BRWD1: variants seen among roughly 807,000 people sequenced by gnomAD.
BRWD1 encodes the protein bromodomain and WD repeat domain containing 1, also known as bromodomain and WD repeat-containing protein 1.
In BRWD1, 82 loss-of-function variants were observed where a neutral mutation model predicts 251.2. That is an observed-to-expected ratio of 0.33 (90% confidence interval 0.27 to 0.39). The LOEUF is 0.39. Ranked by LOEUF, BRWD1 falls within the 10% of genes least tolerant of loss-of-function variation. The pLI is 1.00. For missense variants in BRWD1, 2,233 were observed against 2,711.6 expected, an observed-to-expected ratio of 0.82 and a Z score of 3.92; for synonymous variants, 918 against 902.8, an observed-to-expected ratio of 1.02 and a Z score of -0.30.
rs771045684 is a variant in BRWD1, at chr21:39,194,759, CA to C, written c.*1499del. On this transcript the variant is annotated 3_prime_UTR_variant, in exon 41 of 41. Transcript: ENST00000342449. ...CAGGAGAAAAGGTTTTGTCTGAAAC[CA>C]AACACAATTAGGGCTAATAAATAAC... 9.1e-6 allele frequency: 14 copies of C among 1,534,956 alleles called. No homozygotes were observed. The highest frequency in any genetic ancestry group is 1.2e-5 in the Non-Finnish European group (14 of 1,145,888).
At position 39,199,193 on chromosome 21, in the gene BRWD1, A is replaced by G. The variant is rs143408393; in HGVS notation, c.5223T>C (p.His1741=). The G allele has an allele frequency of 6.2e-7, 1 of 1,614,194 alleles. No homozygotes were observed. The highest frequency in any genetic ancestry group is 8.5e-7 in the Non-Finnish European group (1 of 1,180,040). Residue 1741 remains histidine, a synonymous_variant, in exon 40 of 41, where the codon CAT becomes CAC. Transcript: ENST00000342449. ...ATTTTGTCTTTGAAGGTGCTGGAGTATGGGACTTGTAACCATTAGCATGCC... is the reference window on the plus strand; with the variant it reads ...ATTTTGTCTTTGAAGGTGCTGGAGTGTGGGACTTGTAACCATTAGCATGCC... ...KNWHANGYKS[H]TPAPSKTKFL... is the part of the protein sequence containing the mutation.
intron 10 of BRWD1, 81 bp from the exon 11 acceptor site, chr21:39,277,432 AAAAG>A (rs1395346904): frequency 1.2e-5 from 11 of 892,986 alleles, no homozygotes; most frequent in Non-Finnish European, 1.6e-5. Context: ...TAAAATATAA[AAAAG>A]AAAGATCATT....
Position 39,192,019 on chromosome 21 carries a change from T to G in BRWD1, c.*4240A>C. On this transcript the variant is annotated 3_prime_UTR_variant, in exon 41 of 41. Transcript: ENST00000342449. ...GCAGATTGGTAGAATCCAAATGATG[T>G]GACTCTCCCCCTCCCTCCATCAAAT... The G allele has an allele frequency of 2.0e-6, 2 of 984,938 alleles. No individual in the cohort carries two copies. Among genetic ancestry groups the G allele is most frequent in the Non-Finnish European group, 2.4e-6 (2 of 829,504 alleles). 61.0% of individuals were successfully genotyped at this position (984,938 alleles called of 1,614,324 possible). A position where few individuals can be genotyped will look rare whatever the true frequency, so the allele number is the denominator to read the frequency against.
intron 29 of BRWD1, chr21:39,219,419 CAA>C (rs77615957): frequency 1.3e-4 from 17 of 130,654 alleles, no homozygotes; most frequent in East Asian, 2.2e-4. Context: ...GACTCTGTCT[CAA>C]AAAAAAAAAA....
intron 4 of BRWD1, among the ~76,000 whole-genome samples, chr21:39,306,461 G>A (rs1039403472): frequency 1.3e-5 from 2 of 152,184 alleles, no homozygotes; most frequent in East Asian, 1.9e-4. Flanking sequence ...AAAGACAGAG[G>A]AGGAAGGAAA....
intron 26 of BRWD1, among the ~76,000 whole-genome samples, 154 bp from the exon 27 acceptor site, chr21:39,228,736 ATATTT>A (rs2033485673): frequency 1.3e-5 from 2 of 152,346 alleles, no homozygotes; most frequent in African/African-American, 4.8e-5. Context: ...ACTTCATAGC[ATATTT>A]TAAATATATC....
In BRWD1 at chr21:39,192,095, A is replaced by G; in HGVS notation, c.*4164T>C. The G allele has an allele frequency of 1.0e-6, 1 of 985,210 alleles. No homozygotes were observed. The highest frequency in any genetic ancestry group is 1.1e-4 in the East Asian group (1 of 8,814). 61.0% of individuals were successfully genotyped at this position (985,210 alleles called of 1,614,324 possible). On this transcript the variant is annotated 3_prime_UTR_variant, in exon 41 of 41. Transcript: ENST00000342449. ...ACCAATTTAAAGATATTTTTCTACC[A>G]ATTTAACAATATATTAGGAACCAGC...
chr21:39,237,736 G>A (rs1490695153), intron 22 of BRWD1, among the ~76,000 whole-genome samples: 1 of 152,058 alleles, frequency 6.6e-6, no homozygotes, highest in Non-Finnish European at 1.5e-5. Flanking sequence ...TCTGGAGACT[G>A]GCTGCACAAC....
upstream of BRWD1, chr21:39,314,229 C>T (rs1043517364): frequency 4.8e-5 from 22 of 455,586 alleles, no homozygotes; most frequent in South Asian, 2.2e-4. Context: ...GCTCCTGGGG[C>T]GGGGGCCTCG....
intron 31 of BRWD1, among the ~76,000 whole-genome samples, chr21:39,215,820 C>G (rs949452465): frequency 6.6e-6 from 1 of 151,976 alleles, no homozygotes; most frequent in African/African-American, 2.4e-5. Context: ...ATGGCAAAAC[C>G]CCAAATTTAC....
At chr21:39,238,663 G>C (rs567229034) in intron 21 of BRWD1, 90 bp from the exon 22 acceptor site, 1 of 796,548 alleles carries the variant, frequency 1.3e-6, no homozygotes, top group East Asian at 2.6e-5. Context: ...TCCCCAGTAA[G>C]ATTAAATCAT....
chr21:39,273,137 AAC>A (rs1458291580), intron 13 of BRWD1, among the ~76,000 whole-genome samples: 2 of 152,198 alleles, frequency 1.3e-5, no homozygotes, highest in Admixed American at 6.5e-5. Flanking sequence ...AAGAAAACTA[AAC>A]AGTTTTCAGT....
At chr21:39,269,017 A>AG (rs1250818388) in intron 15 of BRWD1, among the ~76,000 whole-genome samples, 2 of 152,062 alleles carry the variant, frequency 1.3e-5, no homozygotes, top group Non-Finnish European at 2.9e-5. Flanking sequence ...AAGAAAAAAA[A>AG]GAAACCTAGA....
intron 25 of BRWD1, 85 bp from the exon 26 acceptor site, chr21:39,229,521 C>T: frequency 1.5e-6 from 2 of 1,327,902 alleles, no homozygotes; most frequent in South Asian, 1.3e-5. Context: ...ATTAAGTAAA[C>T]TCATAATTTA....
intron 11 of BRWD1, among the ~76,000 whole-genome samples, chr21:39,276,755 TAGATA>T (rs1446104913): frequency 2.3e-5 from 1 of 43,170 alleles, no homozygotes; most frequent in Non-Finnish European, 4.8e-5. Context: ...TGGGCTTGGT[TAGATA>T]AACAGGCTCA....
At position 39,186,055 on chromosome 21, in the gene BRWD1, G is replaced by A. The variant is rs1449589418; in HGVS notation, c.*10204C>T. 2.0e-5 allele frequency: 3 copies of A among 152,202 alleles called. No individual in the cohort carries two copies. Among genetic ancestry groups the A allele is most frequent in the African/African-American group, 4.8e-5 (2 of 41,458 alleles). 9.4% of individuals were successfully genotyped at this position (152,202 alleles called of 1,614,324 possible). A position where few individuals can be genotyped will look rare whatever the true frequency, so the allele number is the denominator to read the frequency against. The stretch of plus-strand genomic sequence containing the variant: ...TGCTACCATTAAAGTTTGTTGGGAT[G>A]AGATTGTAGTAAGTTTACTCAAAGT... On this transcript the variant is annotated 3_prime_UTR_variant, in exon 41 of 41. Coordinates refer to ENST00000342449, the MANE Select transcript of BRWD1 (RefSeq NM_033656.4).
chr21:39,288,078 G>A (rs1417401006), intron 8 of BRWD1, among the ~76,000 whole-genome samples: 2 of 152,106 alleles, frequency 1.3e-5, no homozygotes, highest in Non-Finnish European at 2.9e-5. Context: ...GTCACATAAA[G>A]GCTTAACTGG....
chr21:39,221,226 T>C (rs774480429), intron 29 of BRWD1, among the ~76,000 whole-genome samples: 31 of 151,640 alleles, frequency 2.0e-4, no homozygotes, highest in Non-Finnish European at 3.1e-4. Context: ...TATATCATCA[T>C]TGAGGGGAAA....
At position 39,270,170 on chromosome 21, in the gene BRWD1, T is replaced by G. The variant is rs185707300; in HGVS notation, c.1395+113A>C. The G allele has an allele frequency of 1.8e-4, 221 of 1,217,294 alleles. 1 individual carries two copies. The Middle Eastern group carries it at 2.3e-3, about 13-fold the overall frequency. 75.4% of individuals were successfully genotyped at this position (1,217,294 alleles called of 1,614,324 possible). Reference sequence around the variant, plus strand: ...TATAATTATAAAAATTTCTAATCATTTCATAGTTTACATGAGAGAAACAAC... The same window carrying G: ...TATAATTATAAAAATTTCTAATCATGTCATAGTTTACATGAGAGAAACAAC... On this transcript the variant is annotated intron_variant, in intron 14 of 40. Transcript: ENST00000342449.
Sources: allele counts gnomAD v4.1 joint callset (sites outside exome capture counted in the v4.1 genomes callset), GRCh38; gene constraint gnomAD v4.1.1; transcripts MANE v1.5; gene names NCBI Gene and HGNC (gene_info 2026-07-23, HGNC 2026-07-21).